Variants in MCTP1 observed in about 807,000 individuals in gnomAD.
The protein encoded by MCTP1 is multiple C2 and transmembrane domain-containing protein 1.
Under a neutral mutation model 120.6 loss-of-function variants are expected in MCTP1, and 69 were observed. That is an observed-to-expected ratio of 0.57 (90% CI 0.47 to 0.70). MCTP1 has a LOEUF of 0.70. Among genes scored for constraint, MCTP1 ranks in the 30% least tolerant of loss-of-function variants. The pLI is 0.00. For missense variants in MCTP1, 1,203 were observed against 1,248.8 expected (o/e 0.96, Z 0.55); for synonymous variants, 529 against 493.1 (o/e 1.07, Z -0.96).
At chr5:95,040,694 T>A (rs77039617) in intron 1 of MCTP1, among the ~76,000 whole-genome samples, 1 of 152,078 alleles carries the variant, frequency 6.6e-6, no homozygotes, top group African/African-American at 2.4e-5. Context: ...ACTTGCCCCC[T>A]AGCTCGAGGG....
intron 17 of MCTP1, among the ~76,000 whole-genome samples, chr5:94,810,988 T>A (rs1783297503): frequency 6.6e-6 from 1 of 152,208 alleles, no homozygotes; most frequent in African/African-American, 2.4e-5. Flanking sequence ...CAGCTATCAT[T>A]TACTAGCTTC....
chr5:95,169,959 A>G (rs958903572), intron 1 of MCTP1, among the ~76,000 whole-genome samples: 1 of 151,842 alleles, frequency 6.6e-6, no homozygotes, highest in Non-Finnish European at 1.5e-5. Flanking sequence ...CTAGCTTTTG[A>G]ATGTGTTTGC....
chr5:95,080,666 A>G (rs143634579), intron 1 of MCTP1, among the ~76,000 whole-genome samples: 2 of 152,324 alleles, frequency 1.3e-5, no homozygotes, highest in African/African-American at 2.4e-5. Context: ...GCTTCAACCA[A>G]TATGAAGCCA....
chr5:95,102,357 C>A (rs2152372982), intron 1 of MCTP1, among the ~76,000 whole-genome samples: 1 of 152,298 alleles, frequency 6.6e-6, no homozygotes. Flanking sequence ...AGGCCAACAG[C>A]AGAAGAAAAA....
chr5:94,815,589 T>C (rs1038097004), intron 17 of MCTP1, among the ~76,000 whole-genome samples: 4 of 152,210 alleles, frequency 2.6e-5, no homozygotes, highest in African/African-American at 9.6e-5. Flanking sequence ...CTTTCAGATA[T>C]GTTTGACCAC....
At chr5:95,247,332 C>CA (rs2152691067) in intron 1 of MCTP1, among the ~76,000 whole-genome samples, 1 of 152,082 alleles carries the variant, frequency 6.6e-6, no homozygotes, top group African/African-American at 2.4e-5. Flanking sequence ...TTTATCTTTT[C>CA]AAAAAACCAG....
At chr5:95,174,513 A>G (rs1213577811) in intron 1 of MCTP1, among the ~76,000 whole-genome samples, 1 of 152,204 alleles carries the variant, frequency 6.6e-6, no homozygotes, top group Non-Finnish European at 1.5e-5. Flanking sequence ...TTATTAATCA[A>G]ATGGTGAGGT....
intron 3 of MCTP1, among the ~76,000 whole-genome samples, chr5:94,943,126 G>C (rs1176542576): frequency 6.6e-6 from 1 of 151,972 alleles, no homozygotes; most frequent in Non-Finnish European, 1.5e-5. Flanking sequence ...GGAGGGTCTG[G>C]GATGGCCTAT....
chr5:94,737,465 T>C (rs1174164992), intron 19 of MCTP1, among the ~76,000 whole-genome samples: 1 of 152,164 alleles, frequency 6.6e-6, no homozygotes, highest in Non-Finnish European at 1.5e-5. Context: ...TTGTCACTGT[T>C]TGAATACTAA....
intron 1 of MCTP1, among the ~76,000 whole-genome samples, chr5:95,071,805 G>A (rs6896382): frequency 0.99 from 151,305 of 152,300 alleles, 75,168 homozygotes; most frequent in Middle Eastern, 1. Flanking sequence ...ATACTCACAT[G>A]AATGAGATTG....
chr5:95,048,840 C>T (rs1371793384), intron 1 of MCTP1, among the ~76,000 whole-genome samples: 1 of 152,134 alleles, frequency 6.6e-6, no homozygotes, highest in African/African-American at 2.4e-5. Flanking sequence ...AGATCAATGC[C>T]ACCATCTTCC....
chr5:95,275,936 C>T (rs1759791671), intron 1 of MCTP1, among the ~76,000 whole-genome samples: 1 of 152,076 alleles, frequency 6.6e-6, no homozygotes, highest in South Asian at 2.1e-4. Flanking sequence ...AAAGAATAGG[C>T]ATGTGAGATG....
Position 94,721,703 on chromosome 5 carries a change from CA to C in MCTP1, c.2611-6818del, listed in dbSNP as rs756910567. Among the ~76,000 whole-genome samples the C allele has an allele frequency of 1.1e-4, 17 of 152,102 alleles. No individual in the cohort carries two copies. The South Asian group carries it at 1.9e-3, about 17-fold the overall frequency. ...GCATTCCAATATTTCATACTTTTTT[CA>C]ATAATGTTCAATACTTTATTGTAGA... On this transcript the variant is annotated intron_variant, in intron 19 of 22. Transcript: ENST00000515393.
chr5:94,870,317 T>C, intron 16 of MCTP1, 100 bp downstream of exon 16: 1 of 702,240 alleles, frequency 1.4e-6, no homozygotes, highest in Non-Finnish European at 2.4e-6. Context: ...AATTCCAGTC[T>C]TCCCCCCTCC....
intron 1 of MCTP1, among the ~76,000 whole-genome samples, chr5:95,059,547 AC>A (rs1748360985): frequency 6.6e-6 from 1 of 152,082 alleles, no homozygotes; most frequent in African/African-American, 2.4e-5. Context: ...CTGCACATGC[AC>A]CCCTGAATCT....
At chr5:95,007,445 C>G (rs1336918258) in intron 2 of MCTP1, among the ~76,000 whole-genome samples, 1 of 152,120 alleles carries the variant, frequency 6.6e-6, no homozygotes. Flanking sequence ...TATGCAAATG[C>G]CAACCATCAT....
At chr5:94,999,978 G>T (rs1478014111) in intron 2 of MCTP1, among the ~76,000 whole-genome samples, 3 of 152,108 alleles carry the variant, frequency 2.0e-5, no homozygotes, top group Non-Finnish European at 4.4e-5. Flanking sequence ...AGCAGTCTTG[G>T]ACTCATTTAC....
chr5:95,168,483 G>A lies in MCTP1; in HGVS notation c.720+115373C>T, dbSNP rs542790795. ...TGGCATTGAATCTATAAATTACCTT[G>A]GGCAGTATGGCCATTTTCACGATAT... On this transcript the variant is annotated intron_variant, in intron 1 of 22. Coordinates refer to ENST00000515393, the MANE Select transcript of MCTP1 (RefSeq NM_024717.7). 3.9e-5 allele frequency among the ~76,000 whole-genome samples: 6 copies of A among 152,264 alleles called. No homozygotes were observed. The East Asian group carries it at 9.6e-4, about 24-fold the overall frequency.
At chr5:95,113,292 C>A (rs934204039) in intron 1 of MCTP1, among the ~76,000 whole-genome samples, 1 of 152,074 alleles carries the variant, frequency 6.6e-6, no homozygotes, top group Non-Finnish European at 1.5e-5. Flanking sequence ...TATCTCCAAA[C>A]AAAAACCACC....
Sources: allele counts gnomAD v4.1 joint callset (sites outside exome capture counted in the v4.1 genomes callset), GRCh38; gene constraint gnomAD v4.1.1; transcripts MANE v1.5; gene names NCBI Gene and HGNC (gene_info 2026-07-23, HGNC 2026-07-21).